Variants in ZNF469 observed in about 807,000 individuals in gnomAD.
ZNF469 encodes the protein zinc finger protein 469.
A neutral mutation model predicts 1.0 loss-of-function variants in ZNF469; 1 was observed. The ratio of observed to expected loss-of-function variants is 1.00; its 90% CI spans 0.35 to 4.73. The LOEUF (loss-of-function observed/expected upper bound fraction) is 4.73, where lower values mean the gene tolerates loss of function less well. Ranked by LOEUF, ZNF469 falls within the 30% of genes most tolerant of loss-of-function variation. The pLI, the probability that ZNF469 is intolerant of heterozygous loss-of-function variation, is 0.16. For missense variants in ZNF469, 6,100 were observed against 5,356.3 expected, an observed-to-expected ratio of 1.14 and a Z score of -4.33; for synonymous variants, 2,703 against 2,363.4, an observed-to-expected ratio of 1.14 and a Z score of -4.17.
Position 88,430,852 on chromosome 16 carries a change from C to T in ZNF469, c.3382C>T (p.Gln1128Ter). The T allele has an allele frequency of 6.5e-7, 1 of 1,536,618 alleles. No individual in the cohort carries two copies. Among genetic ancestry groups the T allele is most frequent in the Non-Finnish European group, 8.7e-7 (1 of 1,146,204 alleles). ...GEKRKEVELT[Q>*]GPREDEPQKP... Reference sequence around the variant, plus strand: ...GAAGAGGAAGGAAGTGGAGCTGACCCAGGGTCCCAGAGAGGATGAGCCACA... The same window carrying T: ...GAAGAGGAAGGAAGTGGAGCTGACCTAGGGTCCCAGAGAGGATGAGCCACA... The change falls in exon 3 of 3, where the codon CAG becomes TAG. Residue 1128 changes from glutamine (Q) to a stop codon, truncating the protein, a stop_gained. Coordinates refer to ENST00000565624, the MANE Select transcript of ZNF469 (RefSeq NM_001367624.2). LOFTEE classifies it low-confidence loss of function (END_TRUNC).
At chr16:88,237,783 C>G in the ZNF469 span, among the ~76,000 whole-genome samples, 1 of 147,664 alleles carries the variant, frequency 6.8e-6, no homozygotes, top group Non-Finnish European at 1.5e-5. Flanking sequence ...ACCCTCCCTG[C>G]CCTCCTTGCT....
intron 1 of ZNF469, among the ~76,000 whole-genome samples, chr16:88,385,202 G>A (rs2092534372): frequency 1.3e-5 from 2 of 152,118 alleles, no homozygotes; most frequent in Admixed American, 1.3e-4. Context: ...TGGCCTGGAA[G>A]CAGAGATGCC....
At chr16:88,314,549 G>A in the ZNF469 span, among the ~76,000 whole-genome samples, 1 of 148,974 alleles carries the variant, frequency 6.7e-6, no homozygotes, top group South Asian at 2.2e-4. Flanking sequence ...TGATGATGCT[G>A]GTGTGGACTG....
At chr16:88,152,674 A>AT in the ZNF469 span, among the ~76,000 whole-genome samples, 2,610 of 150,954 alleles carry the variant, frequency 0.017, 81 homozygotes, top group African/African-American at 0.06. This position sits in a 1 kb window ranked among gnomAD's most constrained non-coding sequence, Gnocchi z 4.2. Context: ...CTCTGGATGG[A>AT]TTTTTTTTTA....
chr16:88,407,825 G>C (rs1905060133), intron 1 of ZNF469, among the ~76,000 whole-genome samples: 1 of 152,254 alleles, frequency 6.6e-6, no homozygotes, highest in Admixed American at 6.5e-5. Context: ...AGCCCTGCTG[G>C]TGCCCACTCT....
the ZNF469 span, among the ~76,000 whole-genome samples, chr16:88,134,822 A>G: frequency 6.6e-6 from 1 of 152,130 alleles, no homozygotes; most frequent in Admixed American, 6.5e-5. Flanking sequence ...TTGCCAGTGT[A>G]TATTATTTTA....
the ZNF469 span, among the ~76,000 whole-genome samples, chr16:88,191,965 G>T: frequency 1.3e-5 from 2 of 152,294 alleles, no homozygotes; most frequent in East Asian, 1.9e-4. Context: ...TGGAGGGGGG[G>T]ACTTTGGAGG....
the ZNF469 span, among the ~76,000 whole-genome samples, chr16:88,278,653 C>T: frequency 3.7e-5 from 5 of 136,262 alleles, 1 homozygote; most frequent in South Asian, 2.4e-4. Context: ...TGCTGCCTCA[C>T]GCCGATGCTC....
In ZNF469 at chr16:88,431,213, C is replaced by T; in HGVS notation, c.3743C>T (p.Pro1248Leu). Reference protein sequence around the residue: ...STEFTEALRSPPAACAGEMGA... With the variant: ...STEFTEALRSLPAACAGEMGA... Reference sequence around the variant, plus strand: ...GAATTCACAGAGGCTTTGCGTTCTCCTCCAGCCGCCTGTGCGGGAGAAATG... The same window carrying T: ...GAATTCACAGAGGCTTTGCGTTCTCTTCCAGCCGCCTGTGCGGGAGAAATG... The change falls in exon 3 of 3, where the codon CCT becomes CTT. Residue 1248 changes from proline (P) to leucine (L), a missense_variant. By Grantham distance (98) the Pro-to-Leu change is moderately conservative (BLOSUM62 -3). Coordinates refer to ENST00000565624, the MANE Select transcript of ZNF469 (RefSeq NM_001367624.2). 1.9e-6 allele frequency: 3 copies of T among 1,550,390 alleles called. No homozygotes were observed. The highest frequency in any genetic ancestry group is 2.4e-5 in the East Asian group (1 of 40,916).
the ZNF469 span, among the ~76,000 whole-genome samples, chr16:88,211,012 C>T: frequency 1.1e-4 from 17 of 152,372 alleles, no homozygotes; most frequent in African/African-American, 3.4e-4. Flanking sequence ...TGCCTTCGGC[C>T]GTTGAGTGGC....
At chr16:88,269,996 G>A in the ZNF469 span, among the ~76,000 whole-genome samples, 68 of 152,250 alleles carry the variant, frequency 4.5e-4, no homozygotes, top group African/African-American at 1.6e-3. Context: ...CTAGGTTCGC[G>A]TCCTGCATTT....
the ZNF469 span, among the ~76,000 whole-genome samples, chr16:88,279,080 GCGCCATGCCGACACTTGGTCAGTAC>G: frequency 3.9e-5 from 5 of 129,106 alleles, no homozygotes; most frequent in South Asian, 2.5e-4. Flanking sequence ...GGTTAGTGCT[GCGCCATGCCGACACTTGGTCAGTAC>G]TGTGTAGATA....
At chr16:88,337,308 G>A in the ZNF469 span, among the ~76,000 whole-genome samples, 3 of 152,218 alleles carry the variant, frequency 2.0e-5, no homozygotes, top group African/African-American at 7.2e-5. Flanking sequence ...CATGAGATCT[G>A]ATGGTTTTAT....
At chr16:88,134,363 CCATGTGCTGGGAGCTGGGGACA>C in the ZNF469 span, among the ~76,000 whole-genome samples, 5 of 152,194 alleles carry the variant, frequency 3.3e-5, no homozygotes, top group South Asian at 1.0e-3. Context: ...TGTGCTGGAA[CCATGTGCTGGGAGCTGGGGACA>C]CAGTGAGGAG....
intron 1 of ZNF469, among the ~76,000 whole-genome samples, chr16:88,400,751 A>G (rs912091371): frequency 2.0e-5 from 3 of 151,984 alleles, no homozygotes; most frequent in Non-Finnish European, 4.4e-5. Flanking sequence ...GGGTCCGCAA[A>G]CAGTCTATCT....
intron 1 of ZNF469, among the ~76,000 whole-genome samples, chr16:88,387,938 G>A (rs1033196479): frequency 6.6e-6 from 1 of 152,252 alleles, no homozygotes; most frequent in African/African-American, 2.4e-5. Flanking sequence ...ACAGGCTTGG[G>A]GTCCTCAGAG....
the ZNF469 span, among the ~76,000 whole-genome samples, chr16:88,208,720 A>G: frequency 2.6e-5 from 4 of 151,742 alleles, no homozygotes; most frequent in East Asian, 5.8e-4. Flanking sequence ...ATAGGACAAG[A>G]AAAGACACAC....
chr16:88,436,584 G>C lies in ZNF469; in HGVS notation c.9114G>C (p.Leu3038=). The C allele has an allele frequency of 6.5e-7, 1 of 1,550,094 alleles. No homozygotes were observed. The highest frequency in any genetic ancestry group is 1.2e-5 in the South Asian group (1 of 84,064). ...GTGGGCTTCCCGGGAACACCCACCT[G>C]CTGCCGCTCCGTGCCACGGACTTTG... ...CDGGLPGNTH[L]LPLRATDFEV... is the part of the protein sequence containing the mutation. The change falls in exon 3 of 3, where the codon CTG becomes CTC. Residue 3038 remains leucine (L), a synonymous_variant. Transcript: ENST00000565624.
rs1018989380 is a variant in ZNF469, at chr16:88,438,243, C to T, written c.10773C>T (p.Leu3591=). 3.2e-6 allele frequency: 5 copies of T among 1,547,648 alleles called. No individual in the cohort carries two copies. The highest frequency in any genetic ancestry group is 4.4e-6 in the Non-Finnish European group (5 of 1,145,138). ...EASPGSPGPL[L]QQALPLGASL... is the part of the protein sequence containing the mutation. ...CCCCAGGCAGCCCCGGGCCTCTTCT[C>T]CAGCAAGCTCTCCCTCTGGGGGCAT... The change falls in exon 3 of 3, where the codon CTC becomes CTT. Residue 3591 remains leucine, a synonymous_variant. Coordinates refer to ENST00000565624, the MANE Select transcript of ZNF469 (RefSeq NM_001367624.2).
Sources: gnomAD v4.1 joint callset for allele counts (sites outside exome capture counted in the v4.1 genomes callset) on GRCh38, gnomAD v4.1.1 for gene constraint, Gnocchi (gnomAD v3.1) non-coding constraint, MANE v1.5 for transcripts, NCBI Gene and HGNC (gene_info 2026-07-23, HGNC 2026-07-21) for gene names.